ADD2: variants seen among roughly 807,000 people sequenced by gnomAD.
ADD2 encodes the protein adducin 2.
In ADD2, 23 loss-of-function variants were observed where a neutral mutation model predicts 83.0. The ratio of observed to expected loss-of-function variants is 0.28; its 90% CI spans 0.20 to 0.39. ADD2 has a LOEUF of 0.39. Ranked by LOEUF, ADD2 falls within the 10% of genes least tolerant of loss-of-function variation. ADD2 has a pLI of 1.00. For missense variants in ADD2, 758 were observed against 944.9 expected (o/e 0.80, Z 2.59); for synonymous variants, 375 against 375.4 (o/e 1.00, Z 0.01).
At chr2:70,671,841 G>T (rs964164391) in intron 15 of ADD2, among the ~76,000 whole-genome samples, 1 of 152,174 alleles carries the variant, frequency 6.6e-6, no homozygotes, top group Non-Finnish European at 1.5e-5. Flanking sequence ...CTACTCCAGA[G>T]GGAGAAGATT....
chr2:70,686,521 G>T (rs1553370558), intron 9 of ADD2, among the ~76,000 whole-genome samples: 1 of 152,172 alleles, frequency 6.6e-6, no homozygotes, highest in Non-Finnish European at 1.5e-5. Context: ...GCGACACATG[G>T]GCATCCCTCT....
At position 70,729,803 on chromosome 2, in the gene ADD2, G is replaced by T. The variant is rs142667014; in HGVS notation, c.-153-16619C>A. Among the ~76,000 whole-genome samples the T allele has an allele frequency of 3.8e-3, 584 of 152,280 alleles. 6 individuals carry two copies. The highest frequency in any genetic ancestry group is 0.013 in the African/African-American group (542 of 41,552). ...ATTTAAACCTTGTTTCTGAGAGATG[G>T]AGATGTCAACTAGAGTAGACCAGAC... On this transcript the variant is annotated intron_variant, in intron 1 of 15. Coordinates refer to ENST00000264436, the MANE Select transcript of ADD2 (RefSeq NM_001617.4).
Position 70,706,060 on chromosome 2 carries a change from G to A in ADD2, c.183+166C>T, listed in dbSNP as rs1210191054. Among the ~76,000 whole-genome samples the A allele has an allele frequency of 1.3e-5, 2 of 152,184 alleles. No individual in the cohort carries two copies. The highest frequency in any genetic ancestry group is 4.8e-5 in the African/African-American group (2 of 41,436). On this transcript the variant is annotated intron_variant, in intron 3 of 15. Transcript: ENST00000264436. This position sits in a 1 kb window ranked among gnomAD's most constrained non-coding sequence, Gnocchi z 5.0. ...GGTTCTGCCATCCACCAGTTACAAGGGAGAGTGTCAAGGCCCCAGGTGACC... is the reference window on the plus strand; with the variant it reads ...GGTTCTGCCATCCACCAGTTACAAGAGAGAGTGTCAAGGCCCCAGGTGACC...
rs1553374613 is a variant in ADD2 at position 70,706,861 on chromosome 2, A to G, written c.-34-419T>C. 6.6e-6 allele frequency among the ~76,000 whole-genome samples: 1 copy of G among 152,206 alleles called. No individual in the cohort carries two copies. The highest frequency in any genetic ancestry group is 6.5e-5 in the Admixed American group (1 of 15,290). ...GGAAACCCTCTAATAAGGCCCCTCA[A>G]AAATTATGGTGGAAATAGCTAATGC... On this transcript the variant is annotated intron_variant, in intron 2 of 15. Transcript: ENST00000264436. This position sits in a 1 kb window ranked among gnomAD's most constrained non-coding sequence, Gnocchi z 5.0.
At chr2:70,742,808 C>T (rs1673987279) in intron 1 of ADD2, among the ~76,000 whole-genome samples, 1 of 152,190 alleles carries the variant, frequency 6.6e-6, no homozygotes, top group Admixed American at 6.5e-5. Context: ...ACCATTTGAA[C>T]AGCACCTAGG....
chr2:70,701,114 T>C (rs148915844), intron 4 of ADD2, among the ~76,000 whole-genome samples: 3 of 152,220 alleles, frequency 2.0e-5, no homozygotes, highest in African/African-American at 7.2e-5. Flanking sequence ...AGTGAACTGC[T>C]AACCAATCTC....
chr2:70,694,000 G>GAC (rs200483160), intron 6 of ADD2, among the ~76,000 whole-genome samples: 3,664 of 152,270 alleles, frequency 0.024, 79 homozygotes, highest in Admixed American at 0.058. Context: ...CCAATGCTAG[G>GAC]ACACTTAGTG....
intron 1 of ADD2, among the ~76,000 whole-genome samples, chr2:70,736,058 C>A (rs1673540525): frequency 6.6e-6 from 1 of 151,988 alleles, no homozygotes; most frequent in South Asian, 2.1e-4. Flanking sequence ...GCCATTCCCC[C>A]ATCAGGAGGG....
chr2:70,739,908 T>C (rs1673791976), intron 1 of ADD2, among the ~76,000 whole-genome samples: 1 of 152,026 alleles, frequency 6.6e-6, no homozygotes, highest in Non-Finnish European at 1.5e-5. Context: ...TCAGAAAAAA[T>C]AACTACTGCA....
chr2:70,667,008 G>A (rs1675828702), intron 15 of ADD2, among the ~76,000 whole-genome samples: 1 of 152,170 alleles, frequency 6.6e-6, no homozygotes, highest in Non-Finnish European at 1.5e-5. Context: ...ATCAACATGT[G>A]TTAGGCCCCT....
chr2:70,689,072 G>A (rs868992342), intron 8 of ADD2, among the ~76,000 whole-genome samples: 1 of 151,756 alleles, frequency 6.6e-6, no homozygotes, highest in Non-Finnish European at 1.5e-5. Flanking sequence ...TACCCCAGTC[G>A]GTGACAGAGC....
intron 8 of ADD2, among the ~76,000 whole-genome samples, chr2:70,690,102 A>T (rs375286787): frequency 1.1e-4 from 17 of 148,784 alleles, no homozygotes; most frequent in East Asian, 4.0e-4. Flanking sequence ...GAAAAAAAAA[A>T]TTTTTTTTTT....
chr2:70,738,683 G>C (rs1345352567), intron 1 of ADD2, among the ~76,000 whole-genome samples: 2 of 152,206 alleles, frequency 1.3e-5, no homozygotes, highest in Non-Finnish European at 2.9e-5. Context: ...TTCCAATGCT[G>C]TATTGCAGCC....
At chr2:70,704,230 C>A in intron 4 of ADD2, 91 bp downstream of exon 4, 18 of 1,475,214 alleles carry the variant, frequency 1.2e-5, no homozygotes, top group Non-Finnish European at 1.6e-5. Context: ...CATAGCCTGG[C>A]AACCAGATGC....
At chr2:70,711,729 C>A (rs1350958789) in intron 2 of ADD2, among the ~76,000 whole-genome samples, 1 of 152,204 alleles carries the variant, frequency 6.6e-6, no homozygotes, top group Admixed American at 6.5e-5. Flanking sequence ...CCTATGGATG[C>A]ATCTCTTCCA....
At chr2:70,673,403 C>A in intron 14 of ADD2, 1 of 1,216,390 alleles carries the variant, frequency 8.2e-7, no homozygotes, top group Non-Finnish European at 1.2e-6. Flanking sequence ...CCACAACCAC[C>A]AACTCCCCTT....
chr2:70,705,248 C>A (rs563061211), intron 3 of ADD2, among the ~76,000 whole-genome samples: 123 of 152,282 alleles, frequency 8.1e-4, no homozygotes, highest in African/African-American at 2.9e-3. Flanking sequence ...ATATTCCTCC[C>A]AGCTCCCCAA....
At chr2:70,669,113 G>A (rs1163590596) in intron 15 of ADD2, among the ~76,000 whole-genome samples, 8 of 152,176 alleles carry the variant, frequency 5.3e-5, no homozygotes, top group Non-Finnish European at 8.8e-5. Context: ...GAAGGCCCAC[G>A]GGTGCTCAAA....
At chr2:70,725,813 AC>A (rs34796644) in intron 1 of ADD2, among the ~76,000 whole-genome samples, 20,596 of 152,124 alleles carry the variant, frequency 0.14, 1,570 homozygotes, top group Middle Eastern at 0.26. Flanking sequence ...GATTTTGCTA[AC>A]CTGCAGATTC....
Sources: allele counts gnomAD v4.1 joint callset (sites outside exome capture counted in the v4.1 genomes callset), GRCh38; gene constraint gnomAD v4.1.1; non-coding constraint Gnocchi (gnomAD v3.1); transcripts MANE v1.5; gene names NCBI Gene and HGNC (gene_info 2026-07-23, HGNC 2026-07-21).